GRK5: variants seen among roughly 807,000 people sequenced by gnomAD.
The protein encoded by GRK5 is G protein-coupled receptor kinase 5.
In GRK5, 40 loss-of-function variants were observed where a neutral mutation model predicts 78.4. The ratio of observed to expected loss-of-function variants is 0.51; its 90% CI spans 0.40 to 0.66. The LOEUF (loss-of-function observed/expected upper bound fraction) is 0.66, where lower values mean the gene tolerates loss of function less well. Ranked by LOEUF, GRK5 falls within the 30% of genes least tolerant of loss-of-function variation. The pLI is 0.00. For missense variants in GRK5, 598 were observed against 759.9 expected (o/e 0.79, Z 2.50); for synonymous variants, 289 against 296.8 (o/e 0.97, Z 0.27).
At chr10:119,319,485 C>A (rs981509525) in intron 1 of GRK5, among the ~76,000 whole-genome samples, 13 of 152,254 alleles carry the variant, frequency 8.5e-5, no homozygotes, top group Non-Finnish European at 1.9e-4. Context: ...CCTGGCGGGG[C>A]AACCCTTCTC....
At chr10:119,255,686 C>T (rs1000950113) in intron 1 of GRK5, among the ~76,000 whole-genome samples, 8 of 152,226 alleles carry the variant, frequency 5.3e-5, no homozygotes, top group African/African-American at 1.9e-4. Flanking sequence ...TGCCTGCTGC[C>T]CCCTGTCCTG....
chr10:119,235,955 C>T (rs149396735), intron 1 of GRK5, among the ~76,000 whole-genome samples: 226 of 152,320 alleles, frequency 1.5e-3, no homozygotes, highest in African/African-American at 5.2e-3. Flanking sequence ...GGGGCCCGAA[C>T]CCCTGGGTGG....
At chr10:119,409,722 A>G (rs1164606551) in intron 4 of GRK5, among the ~76,000 whole-genome samples, 1 of 151,182 alleles carries the variant, frequency 6.6e-6, no homozygotes, top group Non-Finnish European at 1.5e-5. Flanking sequence ...CTGCCCCCCA[A>G]CCCCTTTATT....
chr10:119,300,934 C>T (rs1416282688), intron 1 of GRK5, among the ~76,000 whole-genome samples: 1 of 150,376 alleles, frequency 6.6e-6, no homozygotes, highest in African/African-American at 2.4e-5. Flanking sequence ...AACTAAAATG[C>T]AAAAAAAACA....
chr10:119,284,517 T>C (rs964321203), intron 1 of GRK5, among the ~76,000 whole-genome samples: 5 of 152,176 alleles, frequency 3.3e-5, no homozygotes, highest in Non-Finnish European at 7.3e-5. Flanking sequence ...TACATTCCTT[T>C]TTCTATGCTA....
chr10:119,425,491 T>G (rs1852661008), intron 6 of GRK5, among the ~76,000 whole-genome samples: 1 of 152,206 alleles, frequency 6.6e-6, no homozygotes, highest in Non-Finnish European at 1.5e-5. Flanking sequence ...AATAAATAGC[T>G]TTGTACATAA....
intron 2 of GRK5, among the ~76,000 whole-genome samples, chr10:119,355,898 A>G (rs1385403760): frequency 6.6e-6 from 1 of 152,242 alleles, no homozygotes; most frequent in Admixed American, 6.5e-5. Context: ...GAAGAAAAGG[A>G]CAACAGAAAC....
intron 12 of GRK5, among the ~76,000 whole-genome samples, chr10:119,447,646 C>T (rs1853181865): frequency 6.6e-6 from 1 of 152,172 alleles, no homozygotes; most frequent in Admixed American, 6.5e-5. Flanking sequence ...GATGCGTCCT[C>T]TGAGCATGAT....
At chr10:119,451,571 G>A (rs771479189) in intron 13 of GRK5, among the ~76,000 whole-genome samples, 12 of 152,218 alleles carry the variant, frequency 7.9e-5, no homozygotes, top group South Asian at 2.1e-4. Context: ...CTAAAAGTCC[G>A]CTGAGTTCCA....
chr10:119,453,803 C>T (rs1031373218), intron 15 of GRK5, among the ~76,000 whole-genome samples: 3 of 152,216 alleles, frequency 2.0e-5, no homozygotes, highest in Non-Finnish European at 4.4e-5. Flanking sequence ...CCCCACAGAA[C>T]CTTCCGGCTC....
Position 119,272,189 on chromosome 10 carries a change from G to A in GRK5, c.53-54327G>A, listed in dbSNP as rs575361927. On this transcript the variant is annotated intron_variant, in intron 1 of 15. Transcript: ENST00000392870. Reference sequence around the variant, plus strand: ...AGCTCAGGGCATAGATGCTAAATGGGACGGTCCTGGGTTTGCACCCTGGCC... The same window carrying A: ...AGCTCAGGGCATAGATGCTAAATGGAACGGTCCTGGGTTTGCACCCTGGCC... Among the ~76,000 whole-genome samples, 9 of 152,354 alleles carry A rather than the reference G, an allele frequency of 5.9e-5. 1 individual carries two copies. The South Asian group carries it at 1.7e-3, about 28-fold the overall frequency.
At chr10:119,305,305 C>A (rs1478595579) in intron 1 of GRK5, among the ~76,000 whole-genome samples, 1 of 152,112 alleles carries the variant, frequency 6.6e-6, no homozygotes, top group Admixed American at 6.5e-5. Flanking sequence ...TCTCAGAGAC[C>A]TGGGGGAAGA....
chr10:119,275,595 T>A (rs966324741), intron 1 of GRK5, among the ~76,000 whole-genome samples: 4 of 130,372 alleles, frequency 3.1e-5, no homozygotes, highest in African/African-American at 1.1e-4. Context: ...ACGCTCTCTC[T>A]CTCTCTCTCT....
intron 1 of GRK5, among the ~76,000 whole-genome samples, chr10:119,313,293 ATGG>A (rs986045368): frequency 1.9e-4 from 26 of 134,502 alleles, no homozygotes; most frequent in African/African-American, 7.1e-4. Flanking sequence ...GATGGTGGTA[ATGG>A]TGGTGGTGAT....
At chr10:119,425,120 C>G (rs1852648643) in intron 6 of GRK5, 35 bp downstream of exon 6, 6 of 1,401,198 alleles carry the variant, frequency 4.3e-6, no homozygotes, top group Non-Finnish European at 4.1e-6. Flanking sequence ...ATCAGGGAGG[C>G]AGAGGGTACA....
At chr10:119,398,624 C>A (rs1852097209) in intron 4 of GRK5, among the ~76,000 whole-genome samples, 1 of 152,238 alleles carries the variant, frequency 6.6e-6, no homozygotes. Flanking sequence ...ATTGAGGACT[C>A]CTTGTGTCAG....
chr10:119,447,944 C>T (rs1457427714), intron 12 of GRK5, among the ~76,000 whole-genome samples, 179 bp from the exon 13 acceptor site: 1 of 152,246 alleles, frequency 6.6e-6, no homozygotes, highest in Non-Finnish European at 1.5e-5. Flanking sequence ...TCTAGCCAGG[C>T]TGTGAGTGTG....
intron 2 of GRK5, among the ~76,000 whole-genome samples, chr10:119,341,569 G>A (rs1052507077): frequency 6.6e-6 from 1 of 151,988 alleles, no homozygotes; most frequent in African/African-American, 2.4e-5. Context: ...ACCTAGTCAG[G>A]GTTTGCTCCC....
intron 1 of GRK5, among the ~76,000 whole-genome samples, chr10:119,269,274 A>G (rs1421211638): frequency 1.3e-5 from 2 of 152,180 alleles, no homozygotes; most frequent in Non-Finnish European, 2.9e-5. Context: ...GCTGGAGAAC[A>G]AACAATAGAC....
Sources: gnomAD v4.1 joint callset for allele counts (sites outside exome capture counted in the v4.1 genomes callset) on GRCh38, gnomAD v4.1.1 for gene constraint, MANE v1.5 for transcripts, NCBI Gene and HGNC (gene_info 2026-07-23, HGNC 2026-07-21) for gene names.